The following NSF variants were observed in gnomAD, a reference collection of about 807,000 sequenced individuals.
NSF encodes the protein N-ethylmaleimide sensitive factor, vesicle fusing ATPase.
NSF carries 14 observed loss-of-function variants against 50.3 expected under a neutral mutation model. The observed-to-expected ratio is 0.28, with a 90% CI of 0.18 to 0.44. NSF has a LOEUF of 0.44. NSF is among the 20% of genes least tolerant of loss of function. NSF has a pLI of 1.00. For synonymous variants in NSF, 109 were observed against 175.7 expected, an observed-to-expected ratio of 0.62 and a Z score of 3.00; for missense variants, 218 against 504.3, an observed-to-expected ratio of 0.43 and a Z score of 5.44.
chr17:46,753,317 C>T (rs1008441227), intron 19 of NSF, among the ~76,000 whole-genome samples: 5 of 152,190 alleles, frequency 3.3e-5, no homozygotes, highest in African/African-American at 1.2e-4. Context: ...GGACCAATAA[C>T]AAATTGGAAA....
chr17:46,708,466 G>A (rs1352258615), intron 13 of NSF, among the ~76,000 whole-genome samples: 1 of 147,356 alleles, frequency 6.8e-6, no homozygotes, highest in Non-Finnish European at 1.5e-5. Context: ...CTTTTCATAT[G>A]CTTATCAACC....
rs185700633 is a variant in NSF, at chr17:46,745,462, G to T, written c.1909-4311G>T. On this transcript the variant is annotated intron_variant, in intron 17 of 20. Coordinates refer to ENST00000398238, the MANE Select transcript of NSF (RefSeq NM_006178.4). ...AACATAAATTAGCGTCTCCAGTATG[G>T]TTGCTCTACATTTCCCAATCTTTCA... Among the ~76,000 whole-genome samples the T allele has an allele frequency of 2.0e-5, 3 of 152,296 alleles. No individual in the cohort carries two copies. In the East Asian group the frequency reaches 5.8e-4, roughly 29 times the overall value.
At chr17:46,657,238 CAAGTGTA>C (rs539064712) in intron 8 of NSF, among the ~76,000 whole-genome samples, 9,953 of 98,104 alleles carry the variant, frequency 0.1, 5 homozygotes, top group Non-Finnish European at 0.16. Context: ...AAAGGATTCA[CAAGTGTA>C]AATGTTTTTG....
intron 9 of NSF, among the ~76,000 whole-genome samples, chr17:46,686,103 TCA>T (rs1374133016): frequency 1.7e-5 from 1 of 58,082 alleles, no homozygotes; most frequent in African/African-American, 7.4e-5. Context: ...ATGTAAAATT[TCA>T]CAGTTTTTCA....
intron 17 of NSF, among the ~76,000 whole-genome samples, chr17:46,740,273 T>C (rs993709901): frequency 1.3e-5 from 2 of 152,172 alleles, no homozygotes; most frequent in Non-Finnish European, 2.9e-5. Context: ...AAAGGAGCAA[T>C]GTGGGCTCTG....
intron 19 of NSF, among the ~76,000 whole-genome samples, chr17:46,752,851 C>T (rs1424116986): frequency 6.6e-6 from 1 of 152,110 alleles, no homozygotes; most frequent in Non-Finnish European, 1.5e-5. Flanking sequence ...ACTGCAGCTT[C>T]CACCTCCCGG....
At chr17:46,732,556 G>A (rs897876965) in intron 17 of NSF, among the ~76,000 whole-genome samples, 3 of 152,128 alleles carry the variant, frequency 2.0e-5, no homozygotes, top group East Asian at 1.9e-4. Context: ...CTGGTATTCA[G>A]TGGATTTGCT....
intron 17 of NSF, among the ~76,000 whole-genome samples, chr17:46,736,915 C>T (rs2059012195): frequency 6.6e-6 from 1 of 152,222 alleles, no homozygotes; most frequent in South Asian, 2.1e-4. Flanking sequence ...GCCATGCTCC[C>T]CATCTAAACT....
intron 9 of NSF, among the ~76,000 whole-genome samples, chr17:46,688,375 C>T (rs1209463082): frequency 7.0e-6 from 1 of 141,904 alleles, no homozygotes; most frequent in Non-Finnish European, 1.5e-5. Context: ...AATTTTAAAA[C>T]TTTACTGAGA....
chr17:46,612,178 A>G (rs1296433271), intron 1 of NSF, among the ~76,000 whole-genome samples: 1 of 94,708 alleles, frequency 1.1e-5, no homozygotes, highest in Non-Finnish European at 2.0e-5. Context: ...CCACAATGAG[A>G]GATAACACTT....
chr17:46,691,786 T>C (rs1479228162), intron 9 of NSF, among the ~76,000 whole-genome samples: 1 of 151,688 alleles, frequency 6.6e-6, no homozygotes, highest in Middle Eastern at 3.4e-3. Context: ...GGAGTCTCAC[T>C]CTGTCGCCCA....
rs924317418 is a variant in NSF, at chr17:46,756,890, A to G, written c.*1067A>G. 2 of 152,656 alleles carry G rather than the reference A, an allele frequency of 1.3e-5. No individual in the cohort carries two copies. Among genetic ancestry groups the G allele is most frequent in the Non-Finnish European group, 1.5e-5 (1 of 68,058 alleles). The allele number at this position is 152,656 out of a possible 1,614,324, so 9.5% of individuals were successfully genotyped here. A position where few individuals can be genotyped will look rare whatever the true frequency, so the allele number is the denominator to read the frequency against. ...CCTCCACACACTTCTTCCAAAAGGA[A>G]GCACCCGTTGAGTCCTTTTGAGGGT... On this transcript the variant is annotated 3_prime_UTR_variant, in exon 21 of 21. Transcript: ENST00000398238.
chr17:46,714,581 GAA>G (rs1227696737), intron 15 of NSF, among the ~76,000 whole-genome samples: 1 of 152,144 alleles, frequency 6.6e-6, no homozygotes, highest in African/African-American at 2.4e-5. Flanking sequence ...TCCTAGAGCT[GAA>G]AAGACTGTAA....
intron 15 of NSF, among the ~76,000 whole-genome samples, chr17:46,718,272 C>T (rs894493047): frequency 1.3e-5 from 2 of 152,150 alleles, no homozygotes; most frequent in South Asian, 4.2e-4. Context: ...GACTGGCCCT[C>T]GAGGGCACCC....
intron 13 of NSF, among the ~76,000 whole-genome samples, chr17:46,710,113 G>A (rs1256133343): frequency 6.6e-6 from 1 of 152,146 alleles, no homozygotes; most frequent in African/African-American, 2.4e-5. Flanking sequence ...TGAATTTTGA[G>A]GGATGTGATG....
At chr17:46,740,811 AC>A (rs2059063819) in intron 17 of NSF, among the ~76,000 whole-genome samples, 1 of 151,898 alleles carries the variant, frequency 6.6e-6, no homozygotes, top group African/African-American at 2.4e-5. Context: ...ACAGGCATGC[AC>A]CACCACGTCC....
chr17:46,695,271 T>C (rs1278978029), intron 12 of NSF, among the ~76,000 whole-genome samples: 1 of 144,634 alleles, frequency 6.9e-6, no homozygotes. Context: ...AGTTGTAATA[T>C]GTCAGAGGAA....
chr17:46,619,770 TAAAAA>T (rs139171166), intron 1 of NSF, among the ~76,000 whole-genome samples: 2 of 20,866 alleles, frequency 9.6e-5, no homozygotes, highest in Non-Finnish European at 1.5e-4. Context: ...AGACTCCATC[TAAAAA>T]AAAAAAAAAA....
At position 46,630,392 on chromosome 17, in the gene NSF, CT is replaced by C; in HGVS notation, c.199-12del. On this transcript the variant is annotated intron_variant, in intron 3 of 20. Transcript: ENST00000398238. ...TTTTGATGGCTTTGGTTTTAAGTAT[CT>C]TTTTTTCTCCTTTACAGAGAAAATG... is the stretch of plus-strand genomic sequence containing the variant. The C allele has an allele frequency of 5.5e-6, 2 of 366,604 alleles. No homozygotes were observed. The highest frequency in any genetic ancestry group is 1.5e-4 in the East Asian group (1 of 6,602). 22.7% of individuals were successfully genotyped at this position (366,604 alleles called of 1,614,324 possible).
Sources: allele counts gnomAD v4.1 joint callset (sites outside exome capture counted in the v4.1 genomes callset), GRCh38; gene constraint gnomAD v4.1.1; transcripts MANE v1.5; gene names NCBI Gene and HGNC (gene_info 2026-07-23, HGNC 2026-07-21).